Variants in DMTN observed in about 807,000 individuals in gnomAD.
DMTN encodes the protein dematin.
A neutral mutation model predicts 59.4 loss-of-function variants in DMTN; 27 were observed. That is an observed-to-expected ratio of 0.45 (90% confidence interval 0.33 to 0.63). The LOEUF (loss-of-function observed/expected upper bound fraction) is 0.63, where lower values mean the gene tolerates loss of function less well. Among genes scored for constraint, DMTN ranks in the 20% least tolerant of loss-of-function variants. DMTN has a pLI of 0.02. For synonymous variants in DMTN, 221 were observed against 203.7 expected, an observed-to-expected ratio of 1.08 and a Z score of -0.72; for missense variants, 451 against 528.9, an observed-to-expected ratio of 0.85 and a Z score of 1.45.
rs1459848026 is a variant in DMTN at position 22,060,267 on chromosome 8, G to C, written c.-172+3131G>C. ...GGCGGGGTGCATGGATGGGAGAGGG[G>C]TCTGGATGGGAGGAGGTGGAGTGAG... On this transcript the variant is annotated intron_variant, in intron 1 of 15. Coordinates refer to ENST00000358242, the MANE Select transcript of DMTN (RefSeq NM_001387751.1). This position sits in a 1 kb window ranked among gnomAD's most constrained non-coding sequence, Gnocchi z 5.0. Among the ~76,000 whole-genome samples the C allele has an allele frequency of 6.6e-6, 1 of 152,170 alleles. No homozygotes were observed. The highest frequency in any genetic ancestry group is 2.4e-5 in the African/African-American group (1 of 41,422).
rs1184766517 is a variant in DMTN, at chr8:22,082,258, C to T, written c.*795C>T. Reference sequence around the variant, plus strand: ...TGTCCTGGCTACCAGCTCTCACCTACACCCACGCACCCCCCCACACACTAT... The same window carrying T: ...TGTCCTGGCTACCAGCTCTCACCTATACCCACGCACCCCCCCACACACTAT... On this transcript the variant is annotated 3_prime_UTR_variant, in exon 16 of 16. Transcript: ENST00000358242. 2 of 456,936 alleles carry T rather than the reference C, an allele frequency of 4.4e-6. No individual in the cohort carries two copies. The highest frequency in any genetic ancestry group is 8.8e-6 in the Non-Finnish European group (2 of 227,056). 28.3% of individuals were successfully genotyped at this position (456,936 alleles called of 1,614,324 possible). A position where few individuals can be genotyped will look rare whatever the true frequency, so the allele number is the denominator to read the frequency against.
At position 22,070,394 on chromosome 8, in the gene DMTN, T is replaced by G. The variant is rs746383545; in HGVS notation, c.604+60T>G. 1.2e-5 allele frequency: 19 copies of G among 1,529,430 alleles called. No individual in the cohort carries two copies. The Middle Eastern group carries it at 1.9e-3, about 156-fold the overall frequency. 94.7% of individuals were successfully genotyped at this position (1,529,430 alleles called of 1,614,324 possible). ...GGGAAACTCCTGCACTCCCTCCCCT[T>G]GGCTCTTGCTGCAGTCCGTGAACCC... On this transcript the variant is annotated intron_variant, in intron 8 of 15. Coordinates refer to ENST00000358242, the MANE Select transcript of DMTN (RefSeq NM_001387751.1).
At chr8:22,055,087 C>T (rs1801961168), upstream of DMTN, 1 of 152,668 alleles carries the variant, frequency 6.6e-6, no homozygotes, top group Admixed American at 6.5e-5. Flanking sequence ...GCACTGGCTT[C>T]AATAGGAGGA....
upstream of DMTN, among the ~76,000 whole-genome samples, chr8:22,052,617 T>G (rs1398394966): frequency 6.6e-6 from 1 of 152,158 alleles, no homozygotes; most frequent in Non-Finnish European, 1.5e-5. Flanking sequence ...AAAAAGGCAA[T>G]TATTTGTTCT....
At chr8:22,054,743 AC>A (rs909208727), upstream of DMTN, 28 of 152,634 alleles carry the variant, frequency 1.8e-4, no homozygotes, top group Non-Finnish European at 3.4e-4. Context: ...TTCACTGGGC[AC>A]CCTAGCTCCT....
chr8:22,052,979 A>G (rs1369733189), upstream of DMTN, among the ~76,000 whole-genome samples: 1 of 152,066 alleles, frequency 6.6e-6, no homozygotes, highest in Non-Finnish European at 1.5e-5. Context: ...GGCAGGAGAG[A>G]GCACAGGCCA....
chr8:22,067,782 C>A, intron 4 of DMTN, 100 bp downstream of exon 4: 2 of 1,409,034 alleles, frequency 1.4e-6, no homozygotes, highest in Non-Finnish European at 1.9e-6. Flanking sequence ...GGAGGTCTGC[C>A]TCGGCAAAAC....
chr8:22,069,438 C>A lies in DMTN; in HGVS notation c.314C>A (p.Ser105Ter). ...PSPEVWADSR[S>*]PGIISQASAP... ...CTGCAGGTGTGGGCGGACAGCCGGTCGCCTGGAATCATCTCTCAGGCCTCG... is the reference window on the plus strand; with the variant it reads ...CTGCAGGTGTGGGCGGACAGCCGGTAGCCTGGAATCATCTCTCAGGCCTCG... The change falls in exon 6 of 16, where the codon TCG becomes TAG. Residue 105 changes from serine (S) to a stop codon, truncating the protein, a stop_gained. Transcript: ENST00000358242. LOFTEE classifies it high-confidence loss of function. 1.9e-6 allele frequency: 3 copies of A among 1,613,046 alleles called. No individual in the cohort carries two copies. Among genetic ancestry groups the A allele is most frequent in the Non-Finnish European group, 2.5e-6 (3 of 1,179,486 alleles).
At chr8:22,072,507 C>G (rs1816396496) in intron 9 of DMTN, 57 bp downstream of exon 9, 1 of 1,485,572 alleles carries the variant, frequency 6.7e-7, no homozygotes, top group South Asian at 1.3e-5. Context: ...CTCTGTTGCC[C>G]AGGCTGGCAT....
Position 22,069,014 on chromosome 8 carries a change from A to G in DMTN, c.250-2A>G, listed in dbSNP as rs758082107. ...TCTGACCAGCCCCCTCTCCATTCAC[A>G]GCGCTCGCTGTCACCCAAATCCACA... On this transcript the variant is annotated splice_acceptor_variant, in intron 4 of 15. Transcript: ENST00000358242. LOFTEE classifies it high-confidence loss of function. The G allele has an allele frequency of 1.2e-6, 2 of 1,612,690 alleles. No individual in the cohort carries two copies.
chr8:22,071,243 T>C (rs1815220913), intron 8 of DMTN, among the ~76,000 whole-genome samples: 1 of 151,078 alleles, frequency 6.6e-6, no homozygotes, highest in Non-Finnish European at 1.5e-5. Context: ...ATTACAGGCA[T>C]GCACCACCAC....
chr8:22,063,733 T>C (rs1808321059), intron 1 of DMTN, among the ~76,000 whole-genome samples: 2 of 152,178 alleles, frequency 1.3e-5, no homozygotes, highest in Admixed American at 6.5e-5. Context: ...CGACCTCAGA[T>C]ACCTCTTCCT....
upstream of DMTN, among the ~76,000 whole-genome samples, chr8:22,054,437 C>G (rs142320808): frequency 6.6e-6 from 1 of 152,138 alleles, no homozygotes; most frequent in Admixed American, 6.5e-5. Flanking sequence ...CTCACAGAGA[C>G]GGCAGAGGTG....
chr8:22,069,077 C>A lies in DMTN; in HGVS notation c.294+17C>A. On this transcript the variant is annotated intron_variant, in intron 5 of 15. Transcript: ENST00000358242. ...TCCCCAGAGGTGAGTCTGCCCCACACCTGCAACTTGCCCTGCCCTGCCCTG... is the reference window on the plus strand; with the variant it reads ...TCCCCAGAGGTGAGTCTGCCCCACAACTGCAACTTGCCCTGCCCTGCCCTG... 6.2e-7 allele frequency: 1 copy of A among 1,610,366 alleles called. No homozygotes were observed. Among genetic ancestry groups the A allele is most frequent in the Non-Finnish European group, 8.5e-7 (1 of 1,178,080 alleles).
At chr8:22,050,134 C>CCG, upstream of DMTN, among the ~76,000 whole-genome samples, 1 of 152,310 alleles carries the variant, frequency 6.6e-6, no homozygotes, top group East Asian at 1.9e-4. Flanking sequence ...CCAGTGAAGA[C>CCG]CGCGCCGTGT....
At chr8:22,074,994 C>G (rs1341667562) in intron 10 of DMTN, among the ~76,000 whole-genome samples, 1 of 152,010 alleles carries the variant, frequency 6.6e-6, no homozygotes, top group Non-Finnish European at 1.5e-5. Context: ...CAAGACCAGC[C>G]TGACCAATAT....
At chr8:22,070,022 G>A in intron 7 of DMTN, 85 bp downstream of exon 7, 2 of 1,584,272 alleles carry the variant, frequency 1.3e-6, no homozygotes, top group Admixed American at 1.7e-5. Flanking sequence ...GGCTGGAGGG[G>A]GTCGGGAGGA....
chr8:22,079,980 G>C (rs1459340745), intron 10 of DMTN, among the ~76,000 whole-genome samples, 200 bp from the exon 11 acceptor site: 1 of 152,144 alleles, frequency 6.6e-6, no homozygotes, highest in Non-Finnish European at 1.5e-5. Flanking sequence ...TGGTGGTAGA[G>C]ACAGCTGAGA....
At position 22,080,214 on chromosome 8, in the gene DMTN, C is replaced by T; in HGVS notation, c.870C>T (p.Leu290=). 6.2e-7 allele frequency: 1 copy of T among 1,614,220 alleles called. No individual in the cohort carries two copies. Among genetic ancestry groups the T allele is most frequent in the Non-Finnish European group, 8.5e-7 (1 of 1,180,048 alleles). The change falls in exon 11 of 16, where the codon CTC becomes CTT. Residue 290 remains leucine, a synonymous_variant. Transcript: ENST00000358242. ...LHQGTSKSSS[L]PAYGRTTLSR... is the part of the protein sequence containing the mutation. ...AGGGAACGTCTAAATCTTCCTCTCT[C>T]CCCGCCTATGGCAGGACCACCCTGA...
Sources: allele counts gnomAD v4.1 joint callset (sites outside exome capture counted in the v4.1 genomes callset), GRCh38; gene constraint gnomAD v4.1.1; non-coding constraint Gnocchi (gnomAD v3.1); transcripts MANE v1.5; gene names NCBI Gene and HGNC (gene_info 2026-07-23, HGNC 2026-07-21).